The following FHIT variants were observed in gnomAD, a reference collection of about 807,000 sequenced individuals.
The protein encoded by FHIT is fragile histidine triad diadenosine triphosphatase, also known as bis(5'-adenosyl)-triphosphatase.
A neutral mutation model predicts 17.9 loss-of-function variants in FHIT; 19 were observed. The observed-to-expected ratio is 1.06, with a 90% CI of 0.74 to 1.56. The LOEUF is 1.56. FHIT is among the 40% of genes most tolerant of loss of function. The pLI is 0.00. For missense variants in FHIT, 248 were observed against 189.2 expected, an observed-to-expected ratio of 1.31 and a Z score of -1.82; for synonymous variants, 81 against 69.7, an observed-to-expected ratio of 1.16 and a Z score of -0.81.
At chr3:59,991,645 A>G (rs1709239493) in intron 7 of FHIT, among the ~76,000 whole-genome samples, 1 of 151,894 alleles carries the variant, frequency 6.6e-6, no homozygotes. Context: ...CCTTCCTTCC[A>G]TCAGTCCTGA....
chr3:60,540,326 C>T (rs1168852939), intron 4 of FHIT, among the ~76,000 whole-genome samples: 1 of 152,192 alleles, frequency 6.6e-6, no homozygotes, highest in Non-Finnish European at 1.5e-5. Context: ...TCCCTGAATT[C>T]TTTGAGTTGT....
intron 2 of FHIT, among the ~76,000 whole-genome samples, chr3:61,045,660 C>G (rs1264660103): frequency 6.6e-6 from 1 of 152,214 alleles, no homozygotes; most frequent in Non-Finnish European, 1.5e-5. Flanking sequence ...CTACAGAACT[C>G]TCCACCCCAA....
chr3:59,788,129 C>T (rs1403221536), intron 8 of FHIT, among the ~76,000 whole-genome samples: 1 of 152,196 alleles, frequency 6.6e-6, no homozygotes, highest in Non-Finnish European at 1.5e-5. Flanking sequence ...CCTTCCTGCC[C>T]TAACGTTCTG....
At chr3:61,210,123 A>C (rs938505344) in intron 1 of FHIT, among the ~76,000 whole-genome samples, 10 of 152,232 alleles carry the variant, frequency 6.6e-5, no homozygotes, top group Non-Finnish European at 1.5e-4. Context: ...GCTGCAGAAC[A>C]GCGGATATTG....
At chr3:61,160,587 C>A (rs1037680367) in intron 2 of FHIT, among the ~76,000 whole-genome samples, 7 of 152,056 alleles carry the variant, frequency 4.6e-5, no homozygotes, top group African/African-American at 1.4e-4. Context: ...TATTTTAAAA[C>A]AACAGAAGGA....
At chr3:61,228,776 T>G (rs2040029354) in intron 1 of FHIT, among the ~76,000 whole-genome samples, 1 of 152,144 alleles carries the variant, frequency 6.6e-6, no homozygotes. Flanking sequence ...GAACTTCACA[T>G]AAGAAACCTG....
chr3:60,787,013 A>C (rs868963781), intron 4 of FHIT, among the ~76,000 whole-genome samples: 120 of 151,648 alleles, frequency 7.9e-4, no homozygotes, highest in African/African-American at 2.2e-3. Flanking sequence ...AGAAAAAAAA[A>C]AAAACAAAAC....
At chr3:60,040,869 G>T (rs1452807497) in intron 5 of FHIT, among the ~76,000 whole-genome samples, 2 of 151,972 alleles carry the variant, frequency 1.3e-5, no homozygotes, top group South Asian at 4.2e-4. Context: ...AATTAACATG[G>T]GGTGGCTGAT....
At chr3:60,930,305 G>T (rs1707879696) in intron 3 of FHIT, among the ~76,000 whole-genome samples, 2 of 152,110 alleles carry the variant, frequency 1.3e-5, no homozygotes, top group African/African-American at 4.8e-5. Flanking sequence ...CATAGGCATG[G>T]GCAAGGACTT....
intron 7 of FHIT, among the ~76,000 whole-genome samples, chr3:59,959,489 T>A (rs1192166767): frequency 6.6e-6 from 1 of 152,138 alleles, no homozygotes; most frequent in African/African-American, 2.4e-5. Flanking sequence ...AGCTCACAAC[T>A]CAAAGCATGA....
intron 2 of FHIT, among the ~76,000 whole-genome samples, chr3:61,150,328 T>C (rs977743238): frequency 6.6e-6 from 1 of 152,006 alleles, no homozygotes; most frequent in Non-Finnish European, 1.5e-5. Flanking sequence ...GGGAGCTCTC[T>C]ATGTTCCTTC....
At chr3:60,086,995 G>A (rs907152931) in intron 5 of FHIT, among the ~76,000 whole-genome samples, 1 of 152,196 alleles carries the variant, frequency 6.6e-6, no homozygotes, top group African/African-American at 2.4e-5. Flanking sequence ...AGAGATCTAT[G>A]AGTCATCTCT....
At chr3:60,857,918 C>A (rs1553750405) in intron 3 of FHIT, among the ~76,000 whole-genome samples, 1 of 152,108 alleles carries the variant, frequency 6.6e-6, no homozygotes, top group Non-Finnish European at 1.5e-5. Flanking sequence ...TTTTAAGATT[C>A]CATCTCTTAA....
At chr3:60,267,035 G>A (rs974969749) in intron 5 of FHIT, among the ~76,000 whole-genome samples, 1 of 151,986 alleles carries the variant, frequency 6.6e-6, no homozygotes, top group African/African-American at 2.4e-5. Context: ...CATCAAATTT[G>A]CAGTAAAATT....
At chr3:60,608,062 A>T (rs2038663956) in intron 4 of FHIT, among the ~76,000 whole-genome samples, 1 of 152,156 alleles carries the variant, frequency 6.6e-6, no homozygotes, top group African/African-American at 2.4e-5. Context: ...CAGCAGCTCC[A>T]TCTGGAGCAC....
intron 5 of FHIT, among the ~76,000 whole-genome samples, chr3:60,302,955 T>A (rs1283362097): frequency 6.6e-6 from 1 of 152,312 alleles, no homozygotes; most frequent in East Asian, 1.9e-4. Flanking sequence ...TCAACTTTTA[T>A]TGAAAGCTTT....
At chr3:59,803,619 G>T (rs1700085364) in intron 8 of FHIT, among the ~76,000 whole-genome samples, 1 of 152,208 alleles carries the variant, frequency 6.6e-6, no homozygotes, top group Admixed American at 6.5e-5. Flanking sequence ...ACTTAGCAAA[G>T]TCATCAGGAG....
intron 4 of FHIT, among the ~76,000 whole-genome samples, chr3:60,568,623 A>G (rs1227823537): frequency 6.6e-6 from 1 of 152,100 alleles, no homozygotes; most frequent in Non-Finnish European, 1.5e-5. Context: ...TTAAAAAAAA[A>G]GAAAAGAAAA....
chr3:59,874,940 A>G (rs568765746), intron 8 of FHIT, among the ~76,000 whole-genome samples: 16 of 152,344 alleles, frequency 1.1e-4, no homozygotes, highest in African/African-American at 3.4e-4. Flanking sequence ...GCAAAGCCAA[A>G]GGGAAAATCA....
Sources: allele counts gnomAD v4.1 joint callset (sites outside exome capture counted in the v4.1 genomes callset), GRCh38; gene constraint gnomAD v4.1.1; transcripts MANE v1.5; gene names NCBI Gene and HGNC (gene_info 2026-07-23, HGNC 2026-07-21).